YWHAE: variants seen among roughly 807,000 people sequenced by gnomAD.
The protein encoded by YWHAE is 14-3-3 protein epsilon.
A neutral mutation model predicts 30.1 loss-of-function variants in YWHAE; 4 were observed. The observed-to-expected ratio is 0.13, with a 90% CI of 0.07 to 0.30. YWHAE has a LOEUF of 0.30. Among genes scored for constraint, YWHAE ranks in the 10% least tolerant of loss-of-function variants. The pLI, the probability that YWHAE is intolerant of heterozygous loss-of-function variation, is 1.00. For missense variants in YWHAE, 121 were observed against 315.9 expected, an observed-to-expected ratio of 0.38 and a Z score of 4.68; for synonymous variants, 118 against 111.8, an observed-to-expected ratio of 1.06 and a Z score of -0.35.
rs1401569457 is a variant in YWHAE at position 1,355,039 on chromosome 17, C to T, written c.579-692G>A. On this transcript the variant is annotated intron_variant, in intron 4 of 5. Transcript: ENST00000264335. ...TGCCCAGGCTGGACTTGAACTCCTG[C>T]GTTCAAGCAATCTTCCGAACCTTAG... Among the ~76,000 whole-genome samples the T allele has an allele frequency of 5.6e-5, 6 of 106,706 alleles. No homozygotes were observed. The East Asian group carries it at 1.3e-3, about 23-fold the overall frequency. The allele number at this position is 106,706 out of a possible 152,430, so 70.0% of individuals were successfully genotyped here.
intron 4 of YWHAE, among the ~76,000 whole-genome samples, chr17:1,354,725 T>C (rs2072698781): frequency 6.6e-6 from 1 of 151,296 alleles, no homozygotes; most frequent in African/African-American, 2.4e-5. Context: ...TGCAGTGGCG[T>C]GATCTCGGCT....
chr17:1,394,806 A>G (rs781486626), intron 1 of YWHAE, among the ~76,000 whole-genome samples: 2 of 151,100 alleles, frequency 1.3e-5, no homozygotes, highest in Non-Finnish European at 2.9e-5. Context: ...ATCTCTACTA[A>G]AAATACAAAA....
At position 1,359,798 on chromosome 17, in the gene YWHAE, G is replaced by A. The variant is rs190780942; in HGVS notation, c.578+1294C>T. Among the ~76,000 whole-genome samples the A allele has an allele frequency of 1.7e-4, 24 of 145,214 alleles. No individual in the cohort carries two copies. In the East Asian group the frequency reaches 4.0e-3, roughly 24 times the overall value. ...TTACACAACACTGTCAATGTATTCG[G>A]TGCCACTAAATTGTTGTGTGTGTGT... On this transcript the variant is annotated intron_variant, in intron 4 of 5. Coordinates refer to ENST00000264335, the MANE Select transcript of YWHAE (RefSeq NM_006761.5).
At chr17:1,399,975 C>A in intron 1 of YWHAE, 72 bp downstream of exon 1, 1 of 1,587,832 alleles carries the variant, frequency 6.3e-7, no homozygotes, top group Non-Finnish European at 8.6e-7. Flanking sequence ...CATTTTGTCT[C>A]CTGTTCCCGG....
At chr17:1,355,637 T>C (rs1028755480) in intron 4 of YWHAE, among the ~76,000 whole-genome samples, 1 of 151,982 alleles carries the variant, frequency 6.6e-6, no homozygotes, top group African/African-American at 2.4e-5. Context: ...GTGTACTATG[T>C]CCAACAAACG....
At chr17:1,387,924 CTTTTTTTTTT>C (rs35930155) in intron 1 of YWHAE, among the ~76,000 whole-genome samples, 47 of 75,712 alleles carry the variant, frequency 6.2e-4, no homozygotes, top group Admixed American at 5.7e-3. Context: ...CTGCACCTGG[CTTTTTTTTTT>C]TTTTTTTTTT....
intron 1 of YWHAE, among the ~76,000 whole-genome samples, chr17:1,374,411 T>C (rs1021402747): frequency 6.6e-6 from 1 of 152,206 alleles, no homozygotes; most frequent in African/African-American, 2.4e-5. Context: ...CGAACGTTCT[T>C]TAAGTTTTTG....
intron 1 of YWHAE, among the ~76,000 whole-genome samples, chr17:1,368,554 ACT>A (rs1256834633): frequency 4.4e-5 from 4 of 91,630 alleles, no homozygotes; most frequent in Non-Finnish European, 6.6e-5. Flanking sequence ...ACAGAGTGAG[ACT>A]CTGTCTCAAA....
intron 5 of YWHAE, among the ~76,000 whole-genome samples, chr17:1,352,529 CTTT>C (rs10707421): frequency 8.3e-5 from 12 of 144,244 alleles, no homozygotes; most frequent in Admixed American, 1.4e-4. Flanking sequence ...AACGTTATCT[CTTT>C]TTTTTTTTTT....
At chr17:1,392,300 G>C (rs1426805548) in intron 1 of YWHAE, among the ~76,000 whole-genome samples, 1 of 152,148 alleles carries the variant, frequency 6.6e-6, no homozygotes, top group African/African-American at 2.4e-5. Context: ...ATTTGGGCCT[G>C]GGAGGTTGAG....
intron 1 of YWHAE, among the ~76,000 whole-genome samples, chr17:1,371,130 G>C (rs2073036889): frequency 6.6e-6 from 1 of 152,036 alleles, no homozygotes. Context: ...TGTCACCCAA[G>C]ATGATACAGT....
At chr17:1,394,465 A>C (rs1244991983) in intron 1 of YWHAE, among the ~76,000 whole-genome samples, 1 of 148,564 alleles carries the variant, frequency 6.7e-6, no homozygotes, top group Non-Finnish European at 1.5e-5. Context: ...AAAAAAACAC[A>C]AAAATTAGGC....
chr17:1,347,967 A>T (rs2072554730), intron 5 of YWHAE: 2 of 985,930 alleles, frequency 2.0e-6, no homozygotes, highest in Admixed American at 1.8e-4. Context: ...CTTACAAAGT[A>T]GAGTTTTTAG....
chr17:1,368,739 T>C (rs1233757623), intron 1 of YWHAE, among the ~76,000 whole-genome samples: 3 of 152,168 alleles, frequency 2.0e-5, no homozygotes, highest in African/African-American at 4.8e-5. Context: ...ACTAGTTTAA[T>C]TCTCAAAAAT....
At chr17:1,387,808 G>C (rs1047414269) in intron 1 of YWHAE, among the ~76,000 whole-genome samples, 2 of 146,460 alleles carry the variant, frequency 1.4e-5, no homozygotes, top group African/African-American at 2.8e-5. Flanking sequence ...ATATTTAGTA[G>C]AGACGGGGGG....
At chr17:1,389,336 A>G (rs2073354862) in intron 1 of YWHAE, among the ~76,000 whole-genome samples, 2 of 152,188 alleles carry the variant, frequency 1.3e-5, no homozygotes, top group Non-Finnish European at 2.9e-5. Context: ...AAGGTCCTAC[A>G]AAGTCTTCAG....
rs529225772 is a variant in YWHAE at position 1,362,140 on chromosome 17, T to TC, written c.265-133dup. 1,636 of 554,128 alleles carry TC rather than the reference T, an allele frequency of 3.0e-3. 4 individuals are homozygous for TC. Among genetic ancestry groups the TC allele is most frequent in the Middle Eastern group, 6.7e-3 (14 of 2,094 alleles). 34.3% of individuals were successfully genotyped at this position (554,128 alleles called of 1,614,324 possible). On this transcript the variant is annotated intron_variant, in intron 2 of 5. Transcript: ENST00000264335. Reference sequence around the variant, plus strand: ...ATTTGTATCCCTCTCCAAACTCCCTTCTTCCTTCTTGACACAAAAGCAGAG... The same window carrying TC: ...ATTTGTATCCCTCTCCAAACTCCCTTCCTTCCTTCTTGACACAAAAGCAGAG...
At chr17:1,368,927 CAT>C (rs1332468584) in intron 1 of YWHAE, among the ~76,000 whole-genome samples, 1 of 152,172 alleles carries the variant, frequency 6.6e-6, no homozygotes, top group Non-Finnish European at 1.5e-5. Flanking sequence ...ATTTAAGTTA[CAT>C]ATCTCGAATA....
chr17:1,397,058 C>T (rs1371364096), intron 1 of YWHAE, among the ~76,000 whole-genome samples: 1 of 151,586 alleles, frequency 6.6e-6, no homozygotes, highest in Non-Finnish European at 1.5e-5. Flanking sequence ...AGTAGCTATG[C>T]CCGGATAATT....
Sources: allele counts gnomAD v4.1 joint callset (sites outside exome capture counted in the v4.1 genomes callset), GRCh38; gene constraint gnomAD v4.1.1; transcripts MANE v1.5; gene names NCBI Gene and HGNC (gene_info 2026-07-23, HGNC 2026-07-21).